Variants in CKAP2L observed in about 807,000 individuals in gnomAD.
CKAP2L encodes cytoskeleton-associated protein 2-like.
Under a neutral mutation model 65.7 loss-of-function variants are expected in CKAP2L, and 42 were observed. The ratio of observed to expected loss-of-function variants is 0.64; its 90% CI spans 0.50 to 0.83. CKAP2L has a LOEUF of 0.83. Among genes scored for constraint, CKAP2L ranks in the 40% least tolerant of loss-of-function variants. CKAP2L has a pLI of 0.00. For synonymous variants in CKAP2L, 325 were observed against 313.5 expected (o/e 1.04, Z -0.39); for missense variants, 908 against 871.0 (o/e 1.04, Z -0.53).
intron 4 of CKAP2L, among the ~76,000 whole-genome samples, chr2:112,754,795 C>A (rs560557779): frequency 6.6e-6 from 1 of 152,304 alleles, no homozygotes; most frequent in South Asian, 2.1e-4. Context: ...GGGCTGGGAC[C>A]CTGACTTCCT....
chr2:112,759,041 C>T (rs1049567321), intron 3 of CKAP2L, among the ~76,000 whole-genome samples: 7 of 152,288 alleles, frequency 4.6e-5, no homozygotes, highest in African/African-American at 1.7e-4. Flanking sequence ...CTTAGCATAA[C>T]GTTTTCAAGA....
At chr2:112,740,503 T>TC (rs1256144507) in intron 8 of CKAP2L, among the ~76,000 whole-genome samples, 2 of 152,238 alleles carry the variant, frequency 1.3e-5, no homozygotes, top group African/African-American at 2.4e-5. Flanking sequence ...GTATTCACTG[T>TC]CCCTTTTCTC....
intron 3 of CKAP2L, 41 bp downstream of exon 3, chr2:112,760,672 C>A (rs960619059): frequency 3.1e-6 from 3 of 959,502 alleles, no homozygotes; most frequent in Non-Finnish European, 4.9e-6. Flanking sequence ...ACTAATCATA[C>A]TTATGAATGC....
intron 5 of CKAP2L, among the ~76,000 whole-genome samples, chr2:112,746,946 T>G (rs1393871748): frequency 1.3e-5 from 2 of 151,908 alleles, no homozygotes; most frequent in Non-Finnish European, 2.9e-5. Flanking sequence ...TGCCACCACA[T>G]GCTCGGCTAA....
At chr2:112,763,039 G>A (rs915281641) in intron 1 of CKAP2L, among the ~76,000 whole-genome samples, 3 of 152,116 alleles carry the variant, frequency 2.0e-5, no homozygotes, top group African/African-American at 7.2e-5. Flanking sequence ...TCCTGCTTTG[G>A]CCTCCCAAAG....
chr2:112,755,699 T>A (rs1467744165), intron 4 of CKAP2L, among the ~76,000 whole-genome samples: 2 of 151,834 alleles, frequency 1.3e-5, no homozygotes, highest in Non-Finnish European at 2.9e-5. Flanking sequence ...CTGCACCCCC[T>A]ACTTCTTACT....
chr2:112,745,158 G>C (rs1011803941), intron 6 of CKAP2L, among the ~76,000 whole-genome samples: 5 of 152,134 alleles, frequency 3.3e-5, no homozygotes, highest in Non-Finnish European at 7.4e-5. Flanking sequence ...GAAGGGTCTA[G>C]GAGAAAGCTC....
rs1456143718 is a variant in CKAP2L, at chr2:112,736,442, A to G, written c.*2381T>C. Among the ~76,000 whole-genome samples the G allele has an allele frequency of 1.3e-5, 2 of 151,466 alleles. No individual in the cohort carries two copies. The highest frequency in any genetic ancestry group is 2.9e-5 in the Non-Finnish European group (2 of 68,042). ...GATAATAAAATGGCTGCTATAGTGAAGCAGATTAACATTATCATCTCAGTT... is the reference window on the plus strand; with the variant it reads ...GATAATAAAATGGCTGCTATAGTGAGGCAGATTAACATTATCATCTCAGTT... On this transcript the variant is annotated 3_prime_UTR_variant, in exon 9 of 9. Transcript: ENST00000302450.
Position 112,752,486 on chromosome 2 carries a change from T to A in CKAP2L, c.1395-12A>T. The A allele has an allele frequency of 6.5e-7, 1 of 1,535,554 alleles. No individual in the cohort carries two copies. Among genetic ancestry groups the A allele is most frequent in the Non-Finnish European group, 8.9e-7 (1 of 1,118,562 alleles). On this transcript the variant is annotated splice_polypyrimidine_tract_variant and intron_variant, in intron 4 of 8. Transcript: ENST00000302450. ...CTTCTAGTTGTTTCCTGAAATTCAA[T>A]TAAAGGGAGAGTGGTTTTATTTATT...
chr2:112,738,876 G>A lies in CKAP2L; in HGVS notation c.2185C>T (p.Arg729Cys), dbSNP rs76036957. 9.6e-3 allele frequency: 15,464 copies of A among 1,613,802 alleles called. 120 individuals carry two copies. The highest frequency in any genetic ancestry group is 0.018 in the South Asian group (1,633 of 91,074). The change falls in exon 9 of 9, where the codon CGT (arginine) becomes TGT (cysteine). Residue 729 changes from arginine (R) to cysteine (C), a missense_variant. Arg to Cys is a radical substitution (Grantham distance 180, BLOSUM62 -3). Transcript: ENST00000302450. ...GTTACAGGCAGCGCCTCATTTCTAC[G>A]GAATATAAAACATTTTGTTTCTTCC... ...EVEETKCFIF[R>C]RNEALPVTLG...
Position 112,740,926 on chromosome 2 carries a change from G to A in CKAP2L, c.1904C>T (p.Ser635Phe), listed in dbSNP as rs778081788. Residue 635 changes from serine to phenylalanine, a missense_variant, in exon 8 of 9, where the codon TCT becomes TTT. Ser to Phe is a radical substitution (Grantham distance 155). Coordinates refer to ENST00000302450, the MANE Select transcript of CKAP2L (RefSeq NM_152515.5). ...TTCCCTCTCTTTTGGAGAAAGACAA[G>A]ACTTCACAGATTCCATCTTCTTGGC... ...ELAKKMESVK[S>F]CLSPKEREQV... 1 of 1,613,992 alleles carries A rather than the reference G, an allele frequency of 6.2e-7. No homozygotes were observed. Among genetic ancestry groups the A allele is most frequent in the South Asian group, 1.1e-5 (1 of 91,062 alleles).
intron 5 of CKAP2L, among the ~76,000 whole-genome samples, chr2:112,749,612 GA>G (rs11348915): frequency 0.41 from 61,101 of 149,592 alleles, 14,671 homozygotes; most frequent in East Asian, 0.69. Context: ...ATTAACAGCA[GA>G]AAAAAAAAAT....
chr2:112,761,333 T>C (rs1349533696), intron 2 of CKAP2L, among the ~76,000 whole-genome samples: 1 of 151,804 alleles, frequency 6.6e-6, no homozygotes. Flanking sequence ...TGGTGGCACA[T>C]GCCTGTTGTC....
rs1474729331 is a variant in CKAP2L, at chr2:112,760,768, T to C, written c.105-4A>G. The C allele has an allele frequency of 4.8e-6, 7 of 1,461,180 alleles. No homozygotes were observed. Among genetic ancestry groups the C allele is most frequent in the East Asian group, 4.8e-5 (2 of 41,826 alleles). The allele number at this position is 1,461,180 out of a possible 1,614,324, so 90.5% of individuals were successfully genotyped here. A position where few individuals can be genotyped will look rare whatever the true frequency, so the allele number is the denominator to read the frequency against. ...ATTCTTGGATTTTAGATAAGGCCTA[T>C]AAAAGACAAATTAAAATTAATCCTC... On this transcript the variant is annotated splice_region_variant and splice_polypyrimidine_tract_variant and intron_variant, in intron 2 of 8. Coordinates refer to ENST00000302450, the MANE Select transcript of CKAP2L (RefSeq NM_152515.5).
chr2:112,760,237 G>T (rs540535917), intron 3 of CKAP2L, among the ~76,000 whole-genome samples: 1 of 152,158 alleles, frequency 6.6e-6, no homozygotes, highest in South Asian at 2.1e-4. Context: ...CAATGCAAAT[G>T]TTCTCTTTTA....
At chr2:112,749,125 A>C (rs1232342400) in intron 5 of CKAP2L, among the ~76,000 whole-genome samples, 1 of 152,210 alleles carries the variant, frequency 6.6e-6, no homozygotes, top group African/African-American at 2.4e-5. Flanking sequence ...AAAAGCAGAG[A>C]GTTTCAAATT....
chr2:112,757,322 T>C (rs1280401922), intron 3 of CKAP2L, 108 bp from the exon 4 acceptor site: 13 of 808,324 alleles, frequency 1.6e-5, no homozygotes, highest in Non-Finnish European at 2.2e-5. Context: ...ATTTTTAGAA[T>C]TTCATCTAAG....
At chr2:112,746,808 G>C (rs1432725114) in intron 5 of CKAP2L, among the ~76,000 whole-genome samples, 1 of 150,726 alleles carries the variant, frequency 6.6e-6, no homozygotes, top group African/African-American at 2.4e-5. Context: ...TTTTTTTTGA[G>C]ATGGAGTCTT....
chr2:112,750,632 G>C (rs10193063), intron 5 of CKAP2L, among the ~76,000 whole-genome samples: 69,785 of 151,964 alleles, frequency 0.46, 16,031 homozygotes, highest in Middle Eastern at 0.58. Flanking sequence ...TCCACCTCTA[G>C]AGAACCCACA....
Sources: allele counts gnomAD v4.1 joint callset (sites outside exome capture counted in the v4.1 genomes callset), GRCh38; gene constraint gnomAD v4.1.1; transcripts MANE v1.5; gene names NCBI Gene and HGNC (gene_info 2026-07-23, HGNC 2026-07-21).